MTM1: variants seen among roughly 807,000 people sequenced by gnomAD.
MTM1 encodes myotubularin 1.
MTM1 carries 9 observed loss-of-function variants against 52.1 expected under a neutral mutation model. That is an observed-to-expected ratio of 0.17 (90% CI 0.10 to 0.30). The LOEUF (loss-of-function observed/expected upper bound fraction) is 0.30. MTM1 is among the 10% of genes least tolerant of loss of function. The probability of loss-of-function intolerance (pLI) is 1.00; values close to 1 mark genes in which losing one functional copy is unlikely to be tolerated. For missense variants in MTM1, 277 were observed against 470.7 expected (o/e 0.59, Z 3.81); for synonymous variants, 136 against 163.8 (o/e 0.83, Z 1.29).
At chrX:150,621,212 C>A (rs1424766506) in intron 6 of MTM1, among the ~76,000 whole-genome samples, 1 of 109,159 alleles carries the variant, frequency 9.2e-6, no homozygotes, top group Non-Finnish European at 1.9e-5. Context: ...TCCTATATGT[C>A]CTGCAAGTTT....
chrX:150,659,893 T>C, intron 12 of MTM1, 137 bp downstream of exon 12: 2 of 524,431 alleles, frequency 3.8e-6, no homozygotes, highest in Non-Finnish European at 6.7e-6. Context: ...TGTGAATACT[T>C]GCAGAAGCCA....
chrX:150,572,958 CTGTT>C (rs1284046914), intron 1 of MTM1, among the ~76,000 whole-genome samples: 4 of 112,884 alleles, frequency 3.5e-5, no homozygotes, highest in South Asian at 3.6e-4. Flanking sequence ...TGTTCCTTGA[CTGTT>C]TGTCTTAATA....
At chrX:150,589,030 T>A (rs1194488516) in intron 1 of MTM1, among the ~76,000 whole-genome samples, 3 of 111,925 alleles carry the variant, frequency 2.7e-5, no homozygotes, top group Non-Finnish European at 5.6e-5. Context: ...GTGCTGTAAA[T>A]AAATAAAACA....
At chrX:150,612,087 TG>T (rs781857440) in intron 4 of MTM1, among the ~76,000 whole-genome samples, 307 of 109,365 alleles carry the variant, frequency 2.8e-3, no homozygotes, top group South Asian at 0.011. Context: ...CCCAGCTACT[TG>T]GGAGGCTGAG....
At chrX:150,571,873 T>C (rs1446760006) in intron 1 of MTM1, among the ~76,000 whole-genome samples, 1 of 111,394 alleles carries the variant, frequency 9.0e-6, no homozygotes, top group Non-Finnish European at 1.9e-5. Context: ...AAAGTGAGAG[T>C]GTATCAGGAG....
chrX:150,603,447 A>G (rs1397704330), intron 4 of MTM1, among the ~76,000 whole-genome samples: 1 of 111,848 alleles, frequency 8.9e-6, no homozygotes, highest in African/African-American at 3.3e-5. Context: ...AGGAAGCCCA[A>G]CTAGGAAGTT....
intron 14 of MTM1, among the ~76,000 whole-genome samples, chrX:150,668,596 T>C (rs1159170854): frequency 1.8e-5 from 2 of 111,017 alleles, no homozygotes; most frequent in Non-Finnish European, 3.8e-5. Flanking sequence ...TCCTAGCTAC[T>C]TGGCCAGCTG....
Position 150,584,402 on chromosome X carries a change from A to G in MTM1, c.-10-8203A>G, listed in dbSNP as rs146238061. Among the ~76,000 whole-genome samples the G allele has an allele frequency of 1.2e-4, 13 of 111,404 alleles. No homozygotes were observed. In the East Asian group the frequency reaches 3.6e-3, roughly 31 times the overall value. On this transcript the variant is annotated intron_variant, in intron 1 of 14. Transcript: ENST00000370396. ...AATCATATTATTTAGGGATGTATACATGTGGAAAATTTTAAAGATATGCAA... is the reference window on the plus strand; with the variant it reads ...AATCATATTATTTAGGGATGTATACGTGTGGAAAATTTTAAAGATATGCAA...
chrX:150,583,821 TATACAAA>T (rs2038712256), intron 1 of MTM1, among the ~76,000 whole-genome samples: 41 of 51,598 alleles, frequency 7.9e-4, no homozygotes, highest in East Asian at 1.1e-3. Flanking sequence ...ATATATTAAA[TATACAAA>T]ATATATATAA....
At chrX:150,634,583 C>T (rs782734380) in intron 6 of MTM1, among the ~76,000 whole-genome samples, 6 of 99,397 alleles carry the variant, frequency 6.0e-5, no homozygotes, top group Admixed American at 2.2e-4. Flanking sequence ...ATTTTTAATC[C>T]GGAAACAATG....
intron 14 of MTM1, among the ~76,000 whole-genome samples, chrX:150,668,432 A>G (rs1309658160): frequency 4.6e-5 from 5 of 109,825 alleles, no homozygotes; most frequent in Admixed American, 9.7e-5. Flanking sequence ...CACATCTGCA[A>G]TCTCTGCACT....
chrX:150,620,668 CCTCTT>C (rs1399570600), intron 6 of MTM1, among the ~76,000 whole-genome samples: 2 of 111,997 alleles, frequency 1.8e-5, no homozygotes, highest in Non-Finnish European at 3.8e-5. Flanking sequence ...CACTCTCATC[CCTCTT>C]CTCTTCTCAT....
chrX:150,615,659 CCTT>C (rs2039371785), intron 5 of MTM1, among the ~76,000 whole-genome samples: 1 of 111,640 alleles, frequency 9.0e-6, no homozygotes, highest in African/African-American at 3.3e-5. Flanking sequence ...AACTAAGTCT[CCTT>C]TTTCTAGTCT....
chrX:150,589,529 A>G (rs972208711), intron 1 of MTM1, among the ~76,000 whole-genome samples: 16 of 111,616 alleles, frequency 1.4e-4, no homozygotes, highest in Admixed American at 1.9e-4. Context: ...GGGATGAAAT[A>G]CTCTGTAACC....
chrX:150,672,117 A>G lies in MTM1; in HGVS notation c.*522A>G, dbSNP rs1278088928. ...TTAAGTAATTGCCAGCTTTTATACC[A>G]TCATGAGTGGTGACTTAAGGAGAAA... On this transcript the variant is annotated 3_prime_UTR_variant, in exon 15 of 15. Transcript: ENST00000370396. 8.7e-6 allele frequency: 1 copy of G among 115,497 alleles called. No individual in the cohort carries two copies. The highest frequency in any genetic ancestry group is 3.3e-5 in the African/African-American group (1 of 30,641). The allele number at this position is 115,497 out of a possible 1,213,427, so 9.5% of individuals were successfully genotyped here. A position where few individuals can be genotyped will look rare whatever the true frequency, so the allele number is the denominator to read the frequency against.
intron 1 of MTM1, among the ~76,000 whole-genome samples, chrX:150,583,777 TA>T (rs2038706642): frequency 2.3e-5 from 1 of 43,239 alleles, no homozygotes; most frequent in Non-Finnish European, 3.9e-5. Context: ...ATATATTTAA[TA>T]TATAAAATAT....
Position 150,569,673 on chromosome X carries a change from T to C in MTM1, c.-11+1011T>C, listed in dbSNP as rs945431671. On this transcript the variant is annotated intron_variant, in intron 1 of 14. Coordinates refer to ENST00000370396, the MANE Select transcript of MTM1 (RefSeq NM_000252.3). ...GGGGTATCTTGGTGTCTGTCTAGTC[T>C]GGATTCTTTTTACCACAGCTCAGTA... Among the ~76,000 whole-genome samples, 9 of 111,709 alleles carry C rather than the reference T, an allele frequency of 8.1e-5. No individual in the cohort carries two copies. In the East Asian group the frequency reaches 2.5e-3, roughly 31 times the overall value.
chrX:150,612,785 A>G (rs1312822061), intron 4 of MTM1, among the ~76,000 whole-genome samples: 3 of 111,394 alleles, frequency 2.7e-5, no homozygotes, highest in Non-Finnish European at 5.7e-5. Context: ...GGGGTTTGAG[A>G]CCAGCCTGGC....
chrX:150,573,044 T>G (rs1405228370), intron 1 of MTM1, among the ~76,000 whole-genome samples: 1 of 112,856 alleles, frequency 8.9e-6, no homozygotes, highest in Non-Finnish European at 1.9e-5. Flanking sequence ...GTTGGAGATA[T>G]TTTTTCTGAT....
Sources: allele counts gnomAD v4.1 joint callset (sites outside exome capture counted in the v4.1 genomes callset), GRCh38; gene constraint gnomAD v4.1.1; transcripts MANE v1.5; gene names NCBI Gene and HGNC (gene_info 2026-07-23, HGNC 2026-07-21).